Variants in GSE1 observed in about 807,000 individuals in gnomAD.
The protein encoded by GSE1 is genetic suppressor element 1.
In GSE1, 32 loss-of-function variants were observed where a neutral mutation model predicts 112.6. The observed-to-expected ratio is 0.28, with a 90% CI of 0.21 to 0.38. The LOEUF (loss-of-function observed/expected upper bound fraction) is 0.38. GSE1 is among the 10% of genes least tolerant of loss of function. The pLI, the probability that GSE1 is intolerant of heterozygous loss-of-function variation, is 1.00. For missense variants in GSE1, 2,348 were observed against 1,699.2 expected, an observed-to-expected ratio of 1.38 and a Z score of -6.71; for synonymous variants, 1,115 against 735.6, an observed-to-expected ratio of 1.52 and a Z score of -8.35.
At chr16:85,212,393 A>G (rs759324071) in intron 1 of GSE1, among the ~76,000 whole-genome samples, 2 of 152,032 alleles carry the variant, frequency 1.3e-5, no homozygotes, top group African/African-American at 4.8e-5. Flanking sequence ...GTGACAGAGC[A>G]AGACTAGGTC....
chr16:85,429,091 G>T (rs11646578), intron 2 of GSE1, among the ~76,000 whole-genome samples: 28,891 of 152,190 alleles, frequency 0.19, 3,256 homozygotes, highest in East Asian at 0.5. Context: ...CATCACTCAC[G>T]GTAAACAGCC....
intron 1 of GSE1, among the ~76,000 whole-genome samples, chr16:85,241,779 T>C (rs1465882663): frequency 6.6e-6 from 1 of 152,150 alleles, no homozygotes; most frequent in Non-Finnish European, 1.5e-5. Context: ...AAGGACTTTA[T>C]TTCCCAGATC....
chr16:85,438,925 G>T (rs925285429), intron 2 of GSE1, among the ~76,000 whole-genome samples: 1 of 152,186 alleles, frequency 6.6e-6, no homozygotes, highest in Non-Finnish European at 1.5e-5. Flanking sequence ...TCCCCCCGCG[G>T]CCTCCTGCCT....
rs573027320 is a variant in GSE1 at position 85,408,016 on chromosome 16, A to G, written c.2464+50373A>G. ...ACTCAGGGCCCCCTGGATAATCCTC[A>G]CTGTTACACTCAGGGCCCCCCTGGA... On this transcript the variant is annotated intron_variant, in intron 2 of 2. Coordinates refer to the GSE1 transcript ENST00000637419. Among the ~76,000 whole-genome samples, 60 of 48,288 alleles carry G rather than the reference A, an allele frequency of 1.2e-3. 10 individuals carry two copies. Among genetic ancestry groups the G allele is most frequent in the African/African-American group, 6.0e-3 (58 of 9,610 alleles). The allele number at this position is 48,288 out of a possible 152,430, so 31.7% of individuals were successfully genotyped here.
chr16:85,545,236 C>G (rs897296588), intron 2 of GSE1, among the ~76,000 whole-genome samples: 4 of 152,222 alleles, frequency 2.6e-5, no homozygotes, highest in African/African-American at 9.6e-5. Context: ...TCTGGCATCT[C>G]CGTAGTCATA....
At chr16:85,358,660 C>T (rs1052646889) in intron 2 of GSE1, among the ~76,000 whole-genome samples, 6 of 152,202 alleles carry the variant, frequency 3.9e-5, no homozygotes, top group Non-Finnish European at 8.8e-5. Flanking sequence ...CCAATACCGA[C>T]CTCTTTCTCT....
intron 2 of GSE1, among the ~76,000 whole-genome samples, chr16:85,477,750 C>CG (rs1311655805): frequency 6.6e-6 from 1 of 151,750 alleles, no homozygotes; most frequent in Non-Finnish European, 1.5e-5. Context: ...TTAGTAGAGA[C>CG]GGGGTTTCAC....
chr16:85,657,317 C>T lies in GSE1; in HGVS notation c.1353C>T (p.Val451=), dbSNP rs2151939003. 1 of 1,602,616 alleles carries T rather than the reference C, an allele frequency of 6.2e-7. No homozygotes were observed. Among genetic ancestry groups the T allele is most frequent in the East Asian group, 2.3e-5 (1 of 44,374 alleles). ...CCGGCCTGCAGGCGCCCAAGCCCGT[C>T]CAACACCCCTTGCATCCGGTGCCCA... ...KDAGLQAPKP[V]QHPLHPVPTP... is the part of the protein sequence containing the mutation. The change falls in exon 8 of 16, where the codon GTC becomes GTT. Residue 451 remains valine (V), a synonymous_variant. Coordinates refer to ENST00000253458, the MANE Select transcript of GSE1 (RefSeq NM_014615.5).
intron 1 of GSE1, among the ~76,000 whole-genome samples, chr16:85,194,805 G>C (rs1044763319): frequency 1.3e-5 from 2 of 152,186 alleles, no homozygotes; most frequent in African/African-American, 2.4e-5. Flanking sequence ...CTGAAGTTCT[G>C]CTGCCAAGGT....
At chr16:85,469,895 C>A (rs1464629013) in intron 2 of GSE1, among the ~76,000 whole-genome samples, 1 of 152,232 alleles carries the variant, frequency 6.6e-6, no homozygotes, top group East Asian at 1.9e-4. Context: ...GAGCCAGGGC[C>A]CTTGGCCCGT....
rs577800717 is a variant in GSE1, at chr16:85,615,402, TCTC to T, written c.7+2007_7+2009del. Among the ~76,000 whole-genome samples, 553 of 152,244 alleles carry T rather than the reference TCTC, an allele frequency of 3.6e-3. 2 individuals are homozygous for T. Among genetic ancestry groups the T allele is most frequent in the African/African-American group, 0.013 (532 of 41,534 alleles). ...AGCCCCGTGTCGGCAGCGTTCCTGA[TCTC>T]CTGCGGGCCGGGTGCGAGGATGGCT... On this transcript the variant is annotated intron_variant, in intron 1 of 15. Coordinates refer to ENST00000253458, the MANE Select transcript of GSE1 (RefSeq NM_014615.5).
chr16:85,537,873 T>G (rs1364304217), intron 2 of GSE1, among the ~76,000 whole-genome samples: 2 of 152,114 alleles, frequency 1.3e-5, no homozygotes, highest in African/African-American at 4.8e-5. Context: ...AGTTTGTGTT[T>G]GAGTACAGGC....
chr16:85,613,263 G>A (rs1405356724), upstream of GSE1: 11 of 1,529,388 alleles, frequency 7.2e-6, no homozygotes, highest in Admixed American at 1.0e-4. Flanking sequence ...GGCCCCGGAA[G>A]CTCCACCTCC....
chr16:85,201,078 G>A (rs146274417), intron 1 of GSE1, among the ~76,000 whole-genome samples: 30 of 152,258 alleles, frequency 2.0e-4, no homozygotes, highest in Non-Finnish European at 3.8e-4. Context: ...GACTAGAGGT[G>A]TTTCTTTTTC....
intron 1 of GSE1, among the ~76,000 whole-genome samples, chr16:85,632,358 GC>G (rs1375366400): frequency 6.6e-6 from 1 of 151,962 alleles, no homozygotes; most frequent in Non-Finnish European, 1.5e-5. Flanking sequence ...CTCATTTGCA[GC>G]CCCCTCTCTC....
At chr16:85,385,183 C>G (rs1032251536) in intron 2 of GSE1, among the ~76,000 whole-genome samples, 1 of 152,222 alleles carries the variant, frequency 6.6e-6, no homozygotes, top group East Asian at 1.9e-4. Context: ...GCAGGGCACC[C>G]GCAGCAGGTG....
chr16:85,363,897 C>T (rs1406727777), intron 2 of GSE1, among the ~76,000 whole-genome samples: 4 of 152,212 alleles, frequency 2.6e-5, no homozygotes, highest in African/African-American at 7.2e-5. Flanking sequence ...TTCCCTCTGC[C>T]TGCTCTTGTG....
chr16:85,555,576 C>CCTCCT (rs1287530758), upstream of GSE1: 1 of 896,918 alleles, frequency 1.1e-6, no homozygotes, highest in East Asian at 1.2e-4. Flanking sequence ...CTCGCCCCCT[C>CCTCCT]CTCCTCTCCC....
chr16:85,375,049 G>A (rs892025628), intron 2 of GSE1, among the ~76,000 whole-genome samples: 1 of 152,186 alleles, frequency 6.6e-6, no homozygotes, highest in African/African-American at 2.4e-5. Context: ...TGACCTGGAT[G>A]AGCCACCTAA....
Sources: allele counts gnomAD v4.1 joint callset (sites outside exome capture counted in the v4.1 genomes callset), GRCh38; gene constraint gnomAD v4.1.1; transcripts MANE v1.5; gene names NCBI Gene and HGNC (gene_info 2026-07-23, HGNC 2026-07-21).